Variants in HTR2C observed in about 807,000 individuals in gnomAD.
HTR2C encodes 5-hydroxytryptamine receptor 2C.
In HTR2C, 5 loss-of-function variants were observed where a neutral mutation model predicts 21.0. The ratio of observed to expected loss-of-function variants is 0.24; its 90% confidence interval spans 0.12 to 0.50. The LOEUF (loss-of-function observed/expected upper bound fraction) is 0.50, where lower values mean the gene tolerates loss of function less well. HTR2C is among the 20% of genes least tolerant of loss of function. The probability of loss-of-function intolerance (pLI) is 0.98; values close to 1 mark genes in which losing one functional copy is unlikely to be tolerated. For missense variants in HTR2C, 271 were observed against 371.2 expected, an observed-to-expected ratio of 0.73 and a Z score of 2.22; for synonymous variants, 150 against 145.3, an observed-to-expected ratio of 1.03 and a Z score of -0.23.
At chrX:114,779,411 A>AAT (rs2070093734) in intron 4 of HTR2C, among the ~76,000 whole-genome samples, 1 of 25,052 alleles carries the variant, frequency 4.0e-5, no homozygotes, top group Non-Finnish European at 7.5e-5. Context: ...ACAACCACAG[A>AAT]ATATGTTTTC....
intron 2 of HTR2C, among the ~76,000 whole-genome samples, chrX:114,720,231 T>C (rs1933142898): frequency 9.0e-6 from 1 of 111,267 alleles, no homozygotes; most frequent in South Asian, 3.8e-4. Context: ...TCCTAGATAT[T>C]GGAAGGCCAT....
intron 4 of HTR2C, among the ~76,000 whole-genome samples, chrX:114,820,032 C>T (rs2070617886): frequency 9.1e-6 from 1 of 109,956 alleles, no homozygotes; most frequent in South Asian, 3.9e-4. Flanking sequence ...CTGTCCAAAC[C>T]ACAAAATGGA....
intron 1 of HTR2C, among the ~76,000 whole-genome samples, chrX:114,600,052 A>T (rs968040405): frequency 8.9e-6 from 1 of 111,902 alleles, no homozygotes; most frequent in African/African-American, 3.2e-5. Context: ...AAGGGAAAGG[A>T]ATCAACAAAT....
chrX:114,675,872 TTTC>T (rs1441306273), intron 2 of HTR2C, among the ~76,000 whole-genome samples: 3 of 99,802 alleles, frequency 3.0e-5, no homozygotes, highest in Admixed American at 1.1e-4. Flanking sequence ...TTTTTTCTTT[TTTC>T]TTTTTTTTTT....
chrX:114,728,346 C>G (rs1556422541), intron 3 of HTR2C, among the ~76,000 whole-genome samples: 1 of 110,950 alleles, frequency 9.0e-6, no homozygotes, highest in African/African-American at 3.3e-5. Flanking sequence ...ACTTTAAGAG[C>G]AAGACCTAAA....
At chrX:114,807,011 C>T (rs868934861) in intron 4 of HTR2C, among the ~76,000 whole-genome samples, 1 of 33,059 alleles carries the variant, frequency 3.0e-5, no homozygotes, top group African/African-American at 9.4e-5. Context: ...ATATATATCA[C>T]ATATATACCA....
chrX:114,758,361 G>A (rs782407919), intron 4 of HTR2C, among the ~76,000 whole-genome samples: 1 of 109,760 alleles, frequency 9.1e-6, no homozygotes, highest in Non-Finnish European at 1.9e-5. Context: ...CAAAATTTGG[G>A]AACAGCCTGG....
rs61672860 is a variant in HTR2C at position 114,734,564 on chromosome X, T to TAAAAAAAAAAAAAAAAAA, written c.349+2968_349+2985dup. On this transcript the variant is annotated intron_variant, in intron 4 of 5. Transcript: ENST00000276198. Reference sequence around the variant, plus strand: ...CAAGAGTGTTAGACTGCCTTACATGTAAAAAAAAAAAAAAAAAAAAAAAAA... The same window carrying TAAAAAAAAAAAAAAAAAA: ...CAAGAGTGTTAGACTGCCTTACATGTAAAAAAAAAAAAAAAAAAAAAAAAAAAAAAAAAAAAAAAAAAA... 2.8e-3 allele frequency among the ~76,000 whole-genome samples: 96 copies of TAAAAAAAAAAAAAAAAAA among 34,282 alleles called. 1 individual carries two copies. Among genetic ancestry groups the TAAAAAAAAAAAAAAAAAA allele is most frequent in the African/African-American group, 3.1e-3 (24 of 7,793 alleles). The allele number at this position is 34,282 out of a possible 115,157, so 29.8% of individuals were successfully genotyped here. A position where few individuals can be genotyped will look rare whatever the true frequency, so the allele number is the denominator to read the frequency against.
At chrX:114,764,267 G>A (rs1166506217) in intron 4 of HTR2C, among the ~76,000 whole-genome samples, 2 of 109,906 alleles carry the variant, frequency 1.8e-5, no homozygotes, top group African/African-American at 6.6e-5. Flanking sequence ...GTGTGGTGGC[G>A]CATGCCTGTA....
intron 2 of HTR2C, among the ~76,000 whole-genome samples, chrX:114,701,820 T>G (rs1932518487): frequency 1.8e-5 from 2 of 111,610 alleles, no homozygotes; most frequent in Non-Finnish European, 3.8e-5. Flanking sequence ...GAAAAAAATT[T>G]AGACGAATGT....
chrX:114,601,576 C>T (rs1928094040), intron 1 of HTR2C, among the ~76,000 whole-genome samples: 1 of 108,891 alleles, frequency 9.2e-6, no homozygotes, highest in East Asian at 2.9e-4. Flanking sequence ...GCCGTTTACA[C>T]TTCTTTTGTG....
intron 4 of HTR2C, among the ~76,000 whole-genome samples, chrX:114,847,691 G>C (rs1176627405): frequency 3.6e-5 from 4 of 110,683 alleles, no homozygotes; most frequent in African/African-American, 9.8e-5. Flanking sequence ...TCCTTTTGGA[G>C]TGATGAAATG....
chrX:114,897,783 C>T (rs2071308058), intron 5 of HTR2C, among the ~76,000 whole-genome samples: 1 of 112,642 alleles, frequency 8.9e-6, no homozygotes, highest in African/African-American at 3.2e-5. Context: ...ATATGTACCA[C>T]ATTTTCTTTA....
intron 2 of HTR2C, among the ~76,000 whole-genome samples, chrX:114,697,948 C>T (rs1932327724): frequency 8.9e-6 from 1 of 111,900 alleles, no homozygotes; most frequent in African/African-American, 3.2e-5. Flanking sequence ...GGGCCCAGCT[C>T]TTATCTAGAG....
chrX:114,670,763 A>G (rs1291282181), intron 2 of HTR2C, among the ~76,000 whole-genome samples: 1 of 112,586 alleles, frequency 8.9e-6, no homozygotes, highest in Non-Finnish European at 1.9e-5. Context: ...AATATCCTCT[A>G]TATGCAAACC....
intron 5 of HTR2C, among the ~76,000 whole-genome samples, chrX:114,881,468 C>G (rs2071180952): frequency 9.2e-6 from 1 of 108,442 alleles, no homozygotes; most frequent in Admixed American, 9.8e-5. Context: ...CAGTCTTACC[C>G]CTTACTTTTA....
At chrX:114,698,264 A>G (rs1042052816) in intron 2 of HTR2C, among the ~76,000 whole-genome samples, 1 of 112,202 alleles carries the variant, frequency 8.9e-6, no homozygotes, top group Non-Finnish European at 1.9e-5. Flanking sequence ...TTGCCACCAT[A>G]TAAGCCAACA....
At chrX:114,700,953 A>G (rs1231227638) in intron 2 of HTR2C, among the ~76,000 whole-genome samples, 1 of 112,086 alleles carries the variant, frequency 8.9e-6, no homozygotes, top group Non-Finnish European at 1.9e-5. Flanking sequence ...AGTCTTGCTG[A>G]TTGCTAGGAC....
chrX:114,899,346 C>G (rs1267687292), intron 5 of HTR2C, among the ~76,000 whole-genome samples: 1 of 111,287 alleles, frequency 9.0e-6, no homozygotes, highest in Non-Finnish European at 1.9e-5. Flanking sequence ...GATTCAGCCC[C>G]CTTCCTAGTG....
Sources: allele counts gnomAD v4.1 joint callset (sites outside exome capture counted in the v4.1 genomes callset), GRCh38; gene constraint gnomAD v4.1.1; transcripts MANE v1.5; gene names NCBI Gene and HGNC (gene_info 2026-07-23, HGNC 2026-07-21).